RARB: variants seen among roughly 807,000 people sequenced by gnomAD.
RARB encodes the protein retinoic acid receptor beta.
In RARB, 17 loss-of-function variants were observed where a neutral mutation model predicts 51.9. The observed-to-expected ratio is 0.33, with a 90% CI of 0.22 to 0.49. The LOEUF (loss-of-function observed/expected upper bound fraction) is 0.49. RARB is among the 20% of genes least tolerant of loss of function. RARB has a pLI of 0.99. For synonymous variants in RARB, 215 were observed against 195.4 expected, an observed-to-expected ratio of 1.10 and a Z score of -0.84; for missense variants, 369 against 550.8, an observed-to-expected ratio of 0.67 and a Z score of 3.30.
At chr3:25,060,830 G>T (rs960981317) in intron 3 of RARB, among the ~76,000 whole-genome samples, 3 of 151,792 alleles carry the variant, frequency 2.0e-5, no homozygotes, top group Non-Finnish European at 4.4e-5. Context: ...AGATTGCAGG[G>T]TTATCTTGAA....
chr3:25,072,257 A>C (rs1301623939), intron 3 of RARB, among the ~76,000 whole-genome samples: 1 of 152,330 alleles, frequency 6.6e-6, no homozygotes, highest in East Asian at 1.9e-4. Flanking sequence ...GCAGCTTACA[A>C]TTTCAGCTCA....
intron 5 of RARB, among the ~76,000 whole-genome samples, chr3:25,393,662 A>C (rs1471762016): frequency 6.6e-6 from 1 of 152,004 alleles, no homozygotes; most frequent in African/African-American, 2.4e-5. Context: ...TAGGTTTTCT[A>C]GTTAATGCAC....
chr3:24,877,938 C>A (rs552226933), intron 2 of RARB, among the ~76,000 whole-genome samples: 1 of 152,280 alleles, frequency 6.6e-6, no homozygotes, highest in African/African-American at 2.4e-5. Flanking sequence ...TTTTTCACAA[C>A]ACAGACATGC....
intron 5 of RARB, among the ~76,000 whole-genome samples, chr3:25,368,362 G>T (rs1432514903): frequency 6.6e-6 from 1 of 152,092 alleles, no homozygotes; most frequent in African/African-American, 2.4e-5. Flanking sequence ...GATGGAGTTG[G>T]TAATGAATAG....
intron 2 of RARB, among the ~76,000 whole-genome samples, chr3:24,950,586 G>A (rs1280354493): frequency 1.3e-5 from 2 of 152,216 alleles, no homozygotes; most frequent in South Asian, 2.1e-4. Flanking sequence ...ATATTTTAGA[G>A]GTGAACATAA....
intron 3 of RARB, among the ~76,000 whole-genome samples, chr3:25,557,654 T>C (rs1256578013): frequency 6.6e-6 from 1 of 152,150 alleles, no homozygotes; most frequent in Non-Finnish European, 1.5e-5. Context: ...AGTCCCTCCC[T>C]GGTTTAGACA....
At chr3:24,883,653 G>A (rs937817966) in intron 2 of RARB, among the ~76,000 whole-genome samples, 3 of 152,008 alleles carry the variant, frequency 2.0e-5, no homozygotes, top group Non-Finnish European at 4.4e-5. Flanking sequence ...TGTTGTTAAT[G>A]GTAAGCCTTT....
intron 1 of RARB, among the ~76,000 whole-genome samples, chr3:25,440,600 G>A (rs762991338): frequency 2.0e-5 from 3 of 151,882 alleles, no homozygotes; most frequent in African/African-American, 4.8e-5. Context: ...GTGAAACCCC[G>A]TCTCTACTAA....
intron 2 of RARB, among the ~76,000 whole-genome samples, chr3:25,058,033 C>T (rs1698472877): frequency 6.6e-6 from 1 of 151,874 alleles, no homozygotes; most frequent in African/African-American, 2.4e-5. Flanking sequence ...ACTGCACTTC[C>T]ACTTTGCTTA....
chr3:25,465,611 G>A (rs1297455921), intron 2 of RARB, among the ~76,000 whole-genome samples: 2 of 152,186 alleles, frequency 1.3e-5, no homozygotes, highest in Admixed American at 1.3e-4. Flanking sequence ...TTTAACAAAT[G>A]GGTGTGGTCC....
At chr3:25,117,703 C>T (rs893667815) in intron 3 of RARB, among the ~76,000 whole-genome samples, 13 of 152,120 alleles carry the variant, frequency 8.5e-5, no homozygotes, top group African/African-American at 2.9e-4. Flanking sequence ...GCAGAATCAA[C>T]TGTTGGGCTC....
intron 4 of RARB, among the ~76,000 whole-genome samples, chr3:25,136,945 G>C (rs1297391317): frequency 1.3e-5 from 2 of 151,920 alleles, no homozygotes; most frequent in Admixed American, 1.3e-4. Flanking sequence ...AGATTTGTTG[G>C]GAGCCCAGAA....
intron 3 of RARB, among the ~76,000 whole-genome samples, chr3:25,542,790 C>CACTT (rs1469748159): frequency 6.6e-6 from 1 of 152,214 alleles, no homozygotes; most frequent in African/African-American, 2.4e-5. Flanking sequence ...ATTTATGGAG[C>CACTT]ACTTACTAAG....
At chr3:24,977,498 TA>T (rs1452767455) in intron 2 of RARB, among the ~76,000 whole-genome samples, 1 of 152,208 alleles carries the variant, frequency 6.6e-6, no homozygotes, top group Admixed American at 6.5e-5. Flanking sequence ...GTTGGATTCC[TA>T]GGTATTTTAT....
At chr3:24,921,456 A>G (rs563159646) in intron 2 of RARB, among the ~76,000 whole-genome samples, 1 of 152,284 alleles carries the variant, frequency 6.6e-6, no homozygotes, top group South Asian at 2.1e-4. Context: ...TTAATTATAT[A>G]AAAATGAAGC....
At chr3:24,837,040 T>C (rs1702353982) in intron 1 of RARB, among the ~76,000 whole-genome samples, 2 of 152,166 alleles carry the variant, frequency 1.3e-5, no homozygotes, top group South Asian at 4.1e-4. Flanking sequence ...ATTAGACAAA[T>C]AATATGATAA....
chr3:25,297,270 A>G (rs917584914), intron 5 of RARB, among the ~76,000 whole-genome samples: 1 of 152,214 alleles, frequency 6.6e-6, no homozygotes, highest in Non-Finnish European at 1.5e-5. Context: ...TTTTACCAGC[A>G]GAATAATTAG....
intron 5 of RARB, among the ~76,000 whole-genome samples, chr3:25,335,556 C>T (rs930481605): frequency 5.3e-5 from 8 of 152,170 alleles, no homozygotes; most frequent in Non-Finnish European, 7.3e-5. Flanking sequence ...TCCCCAGTTC[C>T]ATTGTGCAGT....
chr3:25,027,261 C>T (rs949266332), intron 2 of RARB, among the ~76,000 whole-genome samples: 5 of 151,968 alleles, frequency 3.3e-5, no homozygotes, highest in African/African-American at 4.8e-5. Context: ...GAAGGGGGAG[C>T]GAGTTTTGAT....
Sources: gnomAD v4.1 joint callset for allele counts (sites outside exome capture counted in the v4.1 genomes callset) on GRCh38, gnomAD v4.1.1 for gene constraint, MANE v1.5 for transcripts, NCBI Gene and HGNC (gene_info 2026-07-23, HGNC 2026-07-21) for gene names.